FAT3: variants seen among roughly 807,000 people sequenced by gnomAD.
FAT3 encodes the protein FAT atypical cadherin 3, also known as protocadherin Fat 3.
FAT3 carries 95 observed loss-of-function variants against 310.2 expected under a neutral mutation model. The observed-to-expected ratio is 0.31, with a 90% CI of 0.26 to 0.36. The LOEUF (loss-of-function observed/expected upper bound fraction) is 0.36, where lower values mean the gene tolerates loss of function less well. FAT3 is among the 10% of genes least tolerant of loss of function. The pLI is 1.00. For synonymous variants in FAT3, 2,314 were observed against 2,192.9 expected (o/e 1.06, Z -1.54); for missense variants, 5,408 against 5,715.6 (o/e 0.95, Z 1.74).
chr11:92,422,714 A>T (rs983223186), intron 2 of FAT3, among the ~76,000 whole-genome samples: 16 of 152,144 alleles, frequency 1.1e-4, no homozygotes, highest in African/African-American at 3.6e-4. Context: ...AAGAAGGCTG[A>T]AGGTGGGATG....
At chr11:92,761,354 A>G (rs564945661) in intron 4 of FAT3, among the ~76,000 whole-genome samples, 2 of 152,204 alleles carry the variant, frequency 1.3e-5, no homozygotes, top group South Asian at 4.2e-4. Context: ...TCTAATCACC[A>G]CCTAAAGGCC....
At chr11:92,814,177 A>C (rs3912659) in intron 13 of FAT3, among the ~76,000 whole-genome samples, 1 of 152,010 alleles carries the variant, frequency 6.6e-6, no homozygotes, top group Non-Finnish European at 1.5e-5. Flanking sequence ...ACGAAGTCTC[A>C]GGTATTTTTT....
intron 7 of FAT3, among the ~76,000 whole-genome samples, chr11:92,780,509 C>T (rs1196868518): frequency 2.0e-5 from 3 of 152,222 alleles, no homozygotes; most frequent in Non-Finnish European, 4.4e-5. Flanking sequence ...TAACGTACTA[C>T]TGTCATGCCC....
At chr11:92,374,621 T>C (rs1363612615) in intron 2 of FAT3, among the ~76,000 whole-genome samples, 1 of 152,236 alleles carries the variant, frequency 6.6e-6, no homozygotes, top group Non-Finnish European at 1.5e-5. Flanking sequence ...TACACAATTA[T>C]AAATGCAGAT....
chr11:92,569,391 GTA>G (rs1955591029), intron 3 of FAT3, among the ~76,000 whole-genome samples: 1 of 152,178 alleles, frequency 6.6e-6, no homozygotes, highest in Non-Finnish European at 1.5e-5. Flanking sequence ...TCACACATAA[GTA>G]TGCCTAGCCT....
At chr11:92,785,498 A>G (rs1946866590) in intron 7 of FAT3, among the ~76,000 whole-genome samples, 1 of 152,172 alleles carries the variant, frequency 6.6e-6, no homozygotes, top group Non-Finnish European at 1.5e-5. Flanking sequence ...GAAAGGAAAA[A>G]CTTCTATAAG....
intron 4 of FAT3, among the ~76,000 whole-genome samples, chr11:92,736,237 C>T (rs911989791): frequency 3.3e-5 from 5 of 152,104 alleles, no homozygotes; most frequent in Non-Finnish European, 7.3e-5. Flanking sequence ...ATTTGAGAGT[C>T]GCCAGCAGAG....
At chr11:92,581,659 G>A (rs1018022730) in intron 3 of FAT3, among the ~76,000 whole-genome samples, 1 of 151,956 alleles carries the variant, frequency 6.6e-6, no homozygotes, top group African/African-American at 2.4e-5. Context: ...TGCCAAGGGG[G>A]GGGATTATGC....
At chr11:92,467,184 T>G (rs1951785644) in intron 2 of FAT3, among the ~76,000 whole-genome samples, 1 of 152,172 alleles carries the variant, frequency 6.6e-6, no homozygotes, top group African/African-American at 2.4e-5. Context: ...TGAACTAGTT[T>G]ACAGTCCCAC....
At position 92,859,148 on chromosome 11, in the gene FAT3, C is replaced by T. The variant is rs1248177857; in HGVS notation, c.11501-17C>T. ...GATGTTAAAAATATATATGTCTTCT[C>T]ATAACGGTCTTTTCAGGGCACACTT... On this transcript the variant is annotated splice_polypyrimidine_tract_variant and intron_variant, in intron 20 of 27. Transcript: ENST00000525166. The T allele has an allele frequency of 1.9e-6, 3 of 1,610,102 alleles. No individual in the cohort carries two copies. The highest frequency in any genetic ancestry group is 2.2e-5 in the East Asian group (1 of 44,816).
intron 3 of FAT3, among the ~76,000 whole-genome samples, chr11:92,678,201 G>A (rs528719282): frequency 6.6e-6 from 1 of 152,254 alleles, no homozygotes; most frequent in South Asian, 2.1e-4. Context: ...GTTTTGGGAG[G>A]GGATCAATCA....
intron 3 of FAT3, among the ~76,000 whole-genome samples, chr11:92,598,624 T>A (rs1469630294): frequency 6.6e-6 from 1 of 152,184 alleles, no homozygotes; most frequent in Non-Finnish European, 1.5e-5. Flanking sequence ...AGAAAGGTTA[T>A]GTAACTTGTA....
chr11:92,761,503 T>TC (rs1410132322), intron 4 of FAT3, among the ~76,000 whole-genome samples: 2 of 152,206 alleles, frequency 1.3e-5, no homozygotes. Context: ...TGGGCTCTCT[T>TC]CCTGGCTTGC....
chr11:92,257,146 AT>A (rs1356370845), intron 1 of FAT3, among the ~76,000 whole-genome samples: 1 of 152,116 alleles, frequency 6.6e-6, no homozygotes, highest in African/African-American at 2.4e-5. Flanking sequence ...CAAAAAATAA[AT>A]TCCCATGTGC....
chr11:92,407,105 T>C (rs1438119389), intron 2 of FAT3, among the ~76,000 whole-genome samples: 1 of 152,204 alleles, frequency 6.6e-6, no homozygotes, highest in African/African-American at 2.4e-5. Context: ...GTACTATCTC[T>C]GCTTAGGCTT....
intron 3 of FAT3, among the ~76,000 whole-genome samples, chr11:92,526,129 C>T (rs563319584): frequency 1.3e-5 from 2 of 152,032 alleles, no homozygotes; most frequent in African/African-American, 2.4e-5. Context: ...CAGAAGAGGG[C>T]TCAGATTTGG....
chr11:92,516,163 A>C (rs1243451675), intron 2 of FAT3, among the ~76,000 whole-genome samples: 4 of 152,180 alleles, frequency 2.6e-5, no homozygotes, highest in African/African-American at 9.7e-5. Flanking sequence ...CCTGATACCA[A>C]AACCTGGCAG....
intron 2 of FAT3, among the ~76,000 whole-genome samples, chr11:92,471,422 G>A (rs1309391358): frequency 6.6e-6 from 1 of 152,118 alleles, no homozygotes; most frequent in Non-Finnish European, 1.5e-5. Flanking sequence ...TTACGGAAGA[G>A]TAAACCAAAA....
intron 1 of FAT3, among the ~76,000 whole-genome samples, chr11:92,248,113 A>G (rs1248812314): frequency 6.6e-6 from 1 of 152,172 alleles, no homozygotes; most frequent in Non-Finnish European, 1.5e-5. Flanking sequence ...AAAAGGAGTT[A>G]TCTTCCTATT....
Sources: allele counts gnomAD v4.1 joint callset (sites outside exome capture counted in the v4.1 genomes callset), GRCh38; gene constraint gnomAD v4.1.1; transcripts MANE v1.5; gene names NCBI Gene and HGNC (gene_info 2026-07-23, HGNC 2026-07-21).